Variants in H3C4 observed in about 807,000 individuals in gnomAD.
H3C4 encodes the protein histone H3.1.
In H3C4, 10 loss-of-function variants were observed where a neutral mutation model predicts 8.7. That is an observed-to-expected ratio of 1.15 (90% CI 0.71 to 1.96). The LOEUF (loss-of-function observed/expected upper bound fraction) is 1.96, where lower values mean the gene tolerates loss of function less well. H3C4 is among the 30% of genes most tolerant of loss of function. The probability of loss-of-function intolerance (pLI) is 0.00; values close to 1 mark genes in which losing one functional copy is unlikely to be tolerated. For synonymous variants in H3C4, 141 were observed against 80.1 expected, an observed-to-expected ratio of 1.76 and a Z score of -4.06; for missense variants, 216 against 192.9, an observed-to-expected ratio of 1.12 and a Z score of -0.71.
chr6:26,197,314 T>G (rs970842536), upstream of H3C4: 10 of 1,544,638 alleles, frequency 6.5e-6, no homozygotes, highest in Middle Eastern at 1.7e-4. Flanking sequence ...TACCCGTATA[T>G]ATAAAGACAC....
At chr6:26,198,952 G>A, upstream of H3C4, 1 of 1,614,234 alleles carries the variant, frequency 6.2e-7, no homozygotes, top group Non-Finnish European at 8.5e-7. Context: ...ACTTTACCCA[G>A]CAACTTGTTT....
At chr6:26,197,329 G>A, upstream of H3C4, 2 of 1,472,454 alleles carry the variant, frequency 1.4e-6, no homozygotes, top group Non-Finnish European at 1.8e-6. Context: ...AGACACCCCT[G>A]TTCTGATTGG....
At chr6:26,198,549 T>A (rs1765037110), upstream of H3C4, among the ~76,000 whole-genome samples, 1 of 152,232 alleles carries the variant, frequency 6.6e-6, no homozygotes, top group East Asian at 1.9e-4. Context: ...GGTCAGGCTG[T>A]CCTGGAACTC....
chr6:26,196,816 G>A lies in H3C4; in HGVS notation c.*24C>T, dbSNP rs750565758. 6 of 1,613,784 alleles carry A rather than the reference G, an allele frequency of 3.7e-6. No individual in the cohort carries two copies. The South Asian group carries it at 5.5e-5, about 15-fold the overall frequency. On this transcript the variant is annotated 3_prime_UTR_variant, in exon 1 of 1. Coordinates refer to ENST00000356476, the MANE Select transcript of H3C4 (RefSeq NM_001376937.1). ...CTCTGAAAAGAGCCTTTGGGTTTTG[G>A]TTAGCACACATTCACAAGACAATTT... is the stretch of plus-strand genomic sequence containing the variant.
At chr6:26,198,985 C>A, upstream of H3C4, 1 of 1,614,210 alleles carries the variant, frequency 6.2e-7, no homozygotes, top group Non-Finnish European at 8.5e-7. Flanking sequence ...TTGCGGATGG[C>A]CAGCTGCAGG....
At chr6:26,197,634 G>C (rs1356587198), upstream of H3C4, among the ~76,000 whole-genome samples, 1 of 151,908 alleles carries the variant, frequency 6.6e-6, no homozygotes, top group East Asian at 1.9e-4. Flanking sequence ...GTTGTGATTG[G>C]CCAAGTGATT....
At chr6:26,198,221 C>G (rs2143346), upstream of H3C4, among the ~76,000 whole-genome samples, 23,461 of 152,236 alleles carry the variant, frequency 0.15, 1,910 homozygotes, top group South Asian at 0.22. Context: ...TAACTTCTCT[C>G]CTGTATGTCT....
chr6:26,199,274 G>A (rs764442578), upstream of H3C4: 40 of 1,579,810 alleles, frequency 2.5e-5, no homozygotes, highest in Non-Finnish European at 3.2e-5. Flanking sequence ...GTTAAGCAAT[G>A]AAGACAAAAA....
Position 26,197,279 on chromosome 6 carries a change from GA to G in H3C4, c.-30del. The G allele has an allele frequency of 6.3e-7, 1 of 1,586,606 alleles. No individual in the cohort carries two copies. Among genetic ancestry groups the G allele is most frequent in the Non-Finnish European group, 8.5e-7 (1 of 1,171,688 alleles). Reference sequence around the variant, plus strand: ...GAACTTCTAAACCCTGCTAAATGACGAAAAAACGAAAGTCTAGCCTTTCGTA... The same window carrying G: ...GAACTTCTAAACCCTGCTAAATGACGAAAAACGAAAGTCTAGCCTTTCGTA... On this transcript the variant is annotated 5_prime_UTR_variant, in exon 1 of 1. Transcript: ENST00000356476.
upstream of H3C4, among the ~76,000 whole-genome samples, chr6:26,197,876 T>G (rs1765016068): frequency 7.7e-6 from 1 of 129,404 alleles, no homozygotes; most frequent in Non-Finnish European, 1.6e-5. Flanking sequence ...TTGTGTAATC[T>G]GCTGTAAAAA....
At chr6:26,199,116 C>A (rs201200903), upstream of H3C4, 549 of 1,614,180 alleles carry the variant, frequency 3.4e-4, 1 homozygote, top group Admixed American at 7.3e-4. Context: ...GGCCCCGACT[C>A]GCTCGGAGTA....
At chr6:26,198,696 G>T (rs185629261), upstream of H3C4, among the ~76,000 whole-genome samples, 1 of 152,112 alleles carries the variant, frequency 6.6e-6, no homozygotes, top group Non-Finnish European at 1.5e-5. Context: ...TCAGTGTTAA[G>T]AACACCCACT....
chr6:26,198,831 C>G (rs558541909), upstream of H3C4: 3 of 1,604,376 alleles, frequency 1.9e-6, no homozygotes, highest in Admixed American at 1.8e-5. Context: ...CCTTAAAAAG[C>G]CAATATAAGA....
Position 26,196,961 on chromosome 6 carries a change from C to G in H3C4, c.290G>C (p.Cys97Ser). Residue 97 changes from cysteine (C) to serine (S), a missense_variant, in exon 1 of 1, where the codon TGC becomes TCC. Physicochemically the swap from Cys to Ser is moderately radical, Grantham distance 112. Transcript: ENST00000356476. ...SSAVMALQEA[C>S]EAYLVGLFED... ...AAACAGCCCCACCAGGTAGGCCTCG[C>G]AGGCCTCCTGCAGCGCCATCACCGC... 6.2e-7 allele frequency: 1 copy of G among 1,614,112 alleles called. No individual in the cohort carries two copies. Among genetic ancestry groups the G allele is most frequent in the Non-Finnish European group, 8.5e-7 (1 of 1,180,026 alleles).
upstream of H3C4, chr6:26,199,137 C>T (rs368444246): frequency 1.0e-4 from 169 of 1,614,070 alleles, 1 homozygote; most frequent in Middle Eastern, 8.2e-4. Context: ...GTTGCCCTTG[C>T]GGAGCAAGCG....
upstream of H3C4, chr6:26,198,700 A>G (rs1253825948): frequency 1.4e-6 from 1 of 703,740 alleles, no homozygotes; most frequent in Non-Finnish European, 2.3e-6. Context: ...TGTTAAGAAC[A>G]CCCACTTATA....
chr6:26,198,586 C>A (rs1561981416), upstream of H3C4, among the ~76,000 whole-genome samples: 1 of 152,218 alleles, frequency 6.6e-6, no homozygotes, highest in South Asian at 2.1e-4. Flanking sequence ...CCCACCTTGG[C>A]CTTCCAAAGT....
chr6:26,197,151 C>T lies in H3C4; in HGVS notation c.100G>A (p.Gly34Ser), dbSNP rs1341111996. Residue 34 changes from glycine (G) to serine (S), a missense_variant, in exon 1 of 1, where the codon GGC becomes AGC. By Grantham distance (56) the Gly-to-Ser change is moderately conservative. Coordinates refer to ENST00000356476, the MANE Select transcript of H3C4 (RefSeq NM_001376937.1). Reference protein sequence around the residue: ...KAARKSAPATGGVKKPHRYRP... With the variant: ...KAARKSAPATSGVKKPHRYRP... ...TAACGGTGGGGCTTCTTCACGCCGC[C>T]GGTGGCTGGAGCGCTCTTTCGAGCA... 1.2e-6 allele frequency: 2 copies of T among 1,614,150 alleles called. No individual in the cohort carries two copies. The highest frequency in any genetic ancestry group is 2.2e-5 in the East Asian group (1 of 44,884).
Position 26,197,263 on chromosome 6 carries a change from A to G in H3C4, c.-13T>C. 1.9e-6 allele frequency: 3 copies of G among 1,600,646 alleles called. No individual in the cohort carries two copies. Among genetic ancestry groups the G allele is most frequent in the Non-Finnish European group, 2.6e-6 (3 of 1,176,460 alleles). On this transcript the variant is annotated 5_prime_UTR_variant, in exon 1 of 1. Coordinates refer to ENST00000356476, the MANE Select transcript of H3C4 (RefSeq NM_001376937.1). ...TGGTACGAGCCATTGCGAACTTCTA[A>G]ACCCTGCTAAATGACGAAAAAACGA...
Sources: gnomAD v4.1 joint callset for allele counts (sites outside exome capture counted in the v4.1 genomes callset) on GRCh38, gnomAD v4.1.1 for gene constraint, MANE v1.5 for transcripts, NCBI Gene and HGNC (gene_info 2026-07-23, HGNC 2026-07-21) for gene names.